SNRK: variants seen among roughly 807,000 people sequenced by gnomAD.
The protein encoded by SNRK is SNF-related serine/threonine-protein kinase.
In SNRK, 3 loss-of-function variants were observed where a neutral mutation model predicts 48.2. That is an observed-to-expected ratio of 0.06 (90% CI 0.03 to 0.16). The LOEUF (loss-of-function observed/expected upper bound fraction) is 0.16. Ranked by LOEUF, SNRK falls within the 10% of genes least tolerant of loss-of-function variation. The probability of loss-of-function intolerance (pLI) is 1.00; values close to 1 mark genes in which losing one functional copy is unlikely to be tolerated. For missense variants in SNRK, 627 were observed against 976.0 expected (o/e 0.64, Z 4.76); for synonymous variants, 376 against 366.1 (o/e 1.03, Z -0.31).
intron 2 of SNRK, among the ~76,000 whole-genome samples, chr3:43,300,038 A>G (rs1006245263): frequency 2.0e-5 from 3 of 152,210 alleles, no homozygotes; most frequent in African/African-American, 7.2e-5. Context: ...TTTTTCGTCT[A>G]AACTTTCAGT....
chr3:43,286,768 G>A (rs1381735218), intron 1 of SNRK, 93 bp downstream of exon 1: 1 of 147,804 alleles, frequency 6.8e-6, no homozygotes, highest in Non-Finnish European at 1.5e-5. Flanking sequence ...CGCTGTTGCC[G>A]GGCTGGGCGC....
At chr3:43,322,676 G>A (rs2091062819) in intron 3 of SNRK, among the ~76,000 whole-genome samples, 1 of 152,134 alleles carries the variant, frequency 6.6e-6, no homozygotes, top group African/African-American at 2.4e-5. Context: ...TGGTAGGCCG[G>A]GTGCAGTGGC....
Position 43,303,538 on chromosome 3 carries a change from A to G in SNRK, c.335A>G (p.Asn112Ser), listed in dbSNP as rs1173649669. 1 of 1,614,168 alleles carries G rather than the reference A, an allele frequency of 6.2e-7. No homozygotes were observed. Among genetic ancestry groups the G allele is most frequent in the South Asian group, 1.1e-5 (1 of 91,090 alleles). Residue 112 changes from asparagine (N) to serine (S), a missense_variant, in exon 3 of 7, where the codon AAT becomes AGT. Coordinates refer to ENST00000296088, the MANE Select transcript of SNRK (RefSeq NM_017719.5). The surrounding 1 kb of genome is among the most constrained non-coding windows in gnomAD (Gnocchi z 6.2). Reference sequence around the variant, plus strand: ...ATAATGAAACATGAGGAGGGTCTTAATGAAGACTTGGCCAAGAAGTATTTT... The same window carrying G: ...ATAATGAAACATGAGGAGGGTCTTAGTGAAGACTTGGCCAAGAAGTATTTT... ...DYIMKHEEGL[N>S]EDLAKKYFAQ...
At chr3:43,316,876 C>T (rs2091017166) in intron 3 of SNRK, among the ~76,000 whole-genome samples, 1 of 152,042 alleles carries the variant, frequency 6.6e-6, no homozygotes, top group East Asian at 1.9e-4. Flanking sequence ...TTCCCTGGAG[C>T]TTCTGATTAG....
chr3:43,308,380 G>A (rs886136152), intron 3 of SNRK, among the ~76,000 whole-genome samples: 3 of 152,324 alleles, frequency 2.0e-5, no homozygotes, highest in African/African-American at 7.2e-5. Context: ...CATAGCTAGA[G>A]AGGAGAAGTC....
intron 1 of SNRK, among the ~76,000 whole-genome samples, chr3:43,290,936 A>G (rs1388040639): frequency 1.3e-5 from 2 of 152,186 alleles, no homozygotes; most frequent in Non-Finnish European, 2.9e-5. Flanking sequence ...CCACACAGTC[A>G]CACAAATAAT....
intron 3 of SNRK, among the ~76,000 whole-genome samples, chr3:43,326,534 T>TTA (rs1453938799): frequency 6.6e-6 from 1 of 152,070 alleles, no homozygotes; most frequent in Non-Finnish European, 1.5e-5. Context: ...TCACAGCCCA[T>TTA]TGTAATGATG....
At chr3:43,334,545 C>A (rs555961913) in intron 4 of SNRK, among the ~76,000 whole-genome samples, 12 of 151,070 alleles carry the variant, frequency 7.9e-5, no homozygotes, top group African/African-American at 2.9e-4. Flanking sequence ...TTTTAAGGGA[C>A]ATGTCTGCTT....
At chr3:43,332,029 T>G (rs2091150362) in intron 3 of SNRK, 140 bp from the exon 4 acceptor site, 2 of 573,030 alleles carry the variant, frequency 3.5e-6, no homozygotes, top group Admixed American at 4.2e-5. Flanking sequence ...CTATTGGGGC[T>G]TCTTTTCCTT....
At chr3:43,306,585 A>T (rs2090939768) in intron 3 of SNRK, among the ~76,000 whole-genome samples, 1 of 151,890 alleles carries the variant, frequency 6.6e-6, no homozygotes, top group South Asian at 2.1e-4. Context: ...TTTTAATAGC[A>T]TCATGTATCA....
intron 3 of SNRK, among the ~76,000 whole-genome samples, chr3:43,322,266 G>T (rs2091059288): frequency 6.6e-6 from 1 of 152,218 alleles, no homozygotes; most frequent in Non-Finnish European, 1.5e-5. Flanking sequence ...TGATTTCTAT[G>T]TATGTCTATT....
intron 3 of SNRK, among the ~76,000 whole-genome samples, chr3:43,313,221 T>C (rs2090991461): frequency 6.6e-6 from 1 of 152,192 alleles, no homozygotes; most frequent in South Asian, 2.1e-4. Context: ...TGGGTGTTTG[T>C]CCCAGAGAAA....
chr3:43,322,551 GA>G (rs1332016021), intron 3 of SNRK, among the ~76,000 whole-genome samples: 1 of 152,104 alleles, frequency 6.6e-6, no homozygotes, highest in Non-Finnish European at 1.5e-5. Context: ...CAAATGAAAA[GA>G]AAATTTATTA....
chr3:43,343,307 A>C, intron 5 of SNRK, 37 bp from the exon 6 acceptor site: 1 of 1,552,678 alleles, frequency 6.4e-7, no homozygotes. Context: ...AAACCTCCTG[A>C]TATGGCTGAC....
intron 3 of SNRK, among the ~76,000 whole-genome samples, chr3:43,312,521 A>G (rs1419990696): frequency 6.6e-6 from 1 of 152,196 alleles, no homozygotes; most frequent in Non-Finnish European, 1.5e-5. Context: ...CAAAAACCCT[A>G]CAGATAACAT....
At chr3:43,305,228 C>T (rs749845857) in intron 3 of SNRK, among the ~76,000 whole-genome samples, 2 of 152,144 alleles carry the variant, frequency 1.3e-5, no homozygotes, top group Admixed American at 6.5e-5. Context: ...TAAAGATGTA[C>T]ACATCTGATA....
Position 43,348,403 on chromosome 3 carries a change from C to T in SNRK, c.2144C>T (p.Thr715Ile), listed in dbSNP as rs756760223. The change falls in exon 7 of 7, where the codon ACC (threonine) becomes ATC (isoleucine). Residue 715 changes from threonine to isoleucine, a missense_variant. Transcript: ENST00000296088. ...TTCTCTGACCACATGGCAGATACCA[C>T]CACTGAATTGGAACGGATAAAGAGC... ...KFFSDHMADT[T>I]TELERIKSKN... The T allele has an allele frequency of 1.2e-6, 2 of 1,611,542 alleles. No homozygotes were observed. Among genetic ancestry groups the T allele is most frequent in the South Asian group, 2.2e-5 (2 of 90,668 alleles).
At chr3:43,295,902 C>G (rs2090849435) in intron 1 of SNRK, among the ~76,000 whole-genome samples, 1 of 152,144 alleles carries the variant, frequency 6.6e-6, no homozygotes, top group Non-Finnish European at 1.5e-5. Context: ...CCACGCCCAG[C>G]TAATTTTTGT....
chr3:43,292,148 T>A (rs2090817379), intron 1 of SNRK, among the ~76,000 whole-genome samples: 1 of 152,148 alleles, frequency 6.6e-6, no homozygotes, highest in Non-Finnish European at 1.5e-5. Context: ...AAATCCATGG[T>A]TTTGCTTTAC....
Sources: allele counts gnomAD v4.1 joint callset (sites outside exome capture counted in the v4.1 genomes callset), GRCh38; gene constraint gnomAD v4.1.1; non-coding constraint Gnocchi (gnomAD v3.1); transcripts MANE v1.5; gene names NCBI Gene and HGNC (gene_info 2026-07-23, HGNC 2026-07-21).